SPAG16: variants seen among roughly 807,000 people sequenced by gnomAD.
The protein encoded by SPAG16 is sperm-associated antigen 16 protein.
A neutral mutation model predicts 80.4 loss-of-function variants in SPAG16; 86 were observed. The ratio of observed to expected loss-of-function variants is 1.07; its 90% CI spans 0.90 to 1.28. The LOEUF (loss-of-function observed/expected upper bound fraction) is 1.28. Among genes scored for constraint, SPAG16 ranks in the 50% most tolerant of loss-of-function variants. The pLI, the probability that SPAG16 is intolerant of heterozygous loss-of-function variation, is 0.00. For missense variants in SPAG16, 870 were observed against 765.3 expected, an observed-to-expected ratio of 1.14 and a Z score of -1.61; for synonymous variants, 294 against 265.9, an observed-to-expected ratio of 1.11 and a Z score of -1.03.
At chr2:214,386,357 C>G (rs547918655) in intron 15 of SPAG16, among the ~76,000 whole-genome samples, 1 of 152,176 alleles carries the variant, frequency 6.6e-6, no homozygotes, top group South Asian at 2.1e-4. Context: ...CAAGATCACA[C>G]CACTGTACTC....
intron 15 of SPAG16, among the ~76,000 whole-genome samples, chr2:214,300,663 A>G (rs1041346926): frequency 3.9e-5 from 6 of 152,154 alleles, no homozygotes; most frequent in Non-Finnish European, 8.8e-5. Context: ...CATGATTATC[A>G]TAATTATTAG....
At chr2:213,681,884 C>G (rs187878531) in intron 10 of SPAG16, among the ~76,000 whole-genome samples, 1 of 152,140 alleles carries the variant, frequency 6.6e-6, no homozygotes, top group Non-Finnish European at 1.5e-5. Flanking sequence ...TTTTGACAAA[C>G]TAAAGATGTG....
At chr2:213,750,604 T>C (rs993226043) in intron 10 of SPAG16, among the ~76,000 whole-genome samples, 1 of 152,214 alleles carries the variant, frequency 6.6e-6, no homozygotes, top group Non-Finnish European at 1.5e-5. Context: ...GCGTTGGTCA[T>C]AGTGGATGGT....
intron 10 of SPAG16, among the ~76,000 whole-genome samples, chr2:213,624,252 TATC>T (rs2061883236): frequency 6.6e-6 from 1 of 151,606 alleles, no homozygotes; most frequent in Non-Finnish European, 1.5e-5. Flanking sequence ...TCAGGCTATT[TATC>T]ATCATCTTTG....
intron 15 of SPAG16, among the ~76,000 whole-genome samples, chr2:214,280,299 G>A (rs1021261643): frequency 6.6e-6 from 1 of 152,158 alleles, no homozygotes; most frequent in Non-Finnish European, 1.5e-5. Flanking sequence ...ATTCTCCCCA[G>A]ACTTATCTAT....
chr2:214,192,509 G>C (rs1212475532), intron 15 of SPAG16, among the ~76,000 whole-genome samples: 1 of 152,102 alleles, frequency 6.6e-6, no homozygotes, highest in Non-Finnish European at 1.5e-5. Flanking sequence ...TTTGTTCACA[G>C]AGTTTATTTA....
chr2:213,445,926 A>G (rs1575606121), intron 9 of SPAG16, among the ~76,000 whole-genome samples: 2 of 152,238 alleles, frequency 1.3e-5, no homozygotes, highest in South Asian at 4.1e-4. Context: ...CAGAGAACCA[A>G]GCTGCAGACC....
chr2:213,286,465 C>T (rs764356328), intron 1 of SPAG16, among the ~76,000 whole-genome samples: 26 of 152,316 alleles, frequency 1.7e-4, no homozygotes, highest in Non-Finnish European at 3.7e-4. Flanking sequence ...GCACTCTTCA[C>T]ATGGTTAATT....
chr2:213,944,152 G>C (rs2079339165), intron 12 of SPAG16, among the ~76,000 whole-genome samples: 1 of 152,200 alleles, frequency 6.6e-6, no homozygotes, highest in African/African-American at 2.4e-5. Context: ...CCACCAATGG[G>C]TGGGGTAATA....
chr2:214,279,418 G>A (rs141115731), intron 15 of SPAG16, among the ~76,000 whole-genome samples: 2 of 152,266 alleles, frequency 1.3e-5, no homozygotes, highest in African/African-American at 4.8e-5. Context: ...AACCCAGAGA[G>A]ATGAAAAACA....
chr2:213,673,714 G>A (rs1443881956), intron 10 of SPAG16, among the ~76,000 whole-genome samples: 2 of 152,062 alleles, frequency 1.3e-5, no homozygotes, highest in East Asian at 3.8e-4. Context: ...CTAAGGTAAT[G>A]TAATAGTTAC....
intron 10 of SPAG16, among the ~76,000 whole-genome samples, chr2:213,698,259 T>G (rs376022008): frequency 5.3e-5 from 8 of 152,074 alleles, no homozygotes; most frequent in South Asian, 2.1e-4. Flanking sequence ...TTATTATTAT[T>G]ATGATGATTA....
At chr2:213,498,056 T>G (rs538761901) in intron 10 of SPAG16, among the ~76,000 whole-genome samples, 1 of 152,250 alleles carries the variant, frequency 6.6e-6, no homozygotes, top group South Asian at 2.1e-4. Context: ...TACCAATATA[T>G]CTCTTGTTCT....
intron 15 of SPAG16, among the ~76,000 whole-genome samples, chr2:214,178,857 A>G (rs1021876380): frequency 2.0e-5 from 3 of 151,380 alleles, no homozygotes; most frequent in Admixed American, 6.6e-5. Flanking sequence ...AGTGTTTATT[A>G]TATATAGTAT....
chr2:213,593,360 A>T (rs1021641371), intron 10 of SPAG16, among the ~76,000 whole-genome samples: 2 of 152,102 alleles, frequency 1.3e-5, no homozygotes, highest in Non-Finnish European at 2.9e-5. Flanking sequence ...TATCATCACA[A>T]TTTTGATTTG....
intron 10 of SPAG16, among the ~76,000 whole-genome samples, chr2:213,695,371 T>C (rs149693521): frequency 6.6e-6 from 1 of 152,334 alleles, no homozygotes; most frequent in African/African-American, 2.4e-5. Context: ...ATGCTTATTA[T>C]ACTATCCGCT....
At chr2:214,059,200 A>ATATATATATGTATGTG (rs1559745199) in intron 13 of SPAG16, among the ~76,000 whole-genome samples, 14 of 106,214 alleles carry the variant, frequency 1.3e-4, no homozygotes, top group African/African-American at 5.1e-4. Flanking sequence ...ATATATATAT[A>ATATATATATGTATGTG]TATATATATA....
intron 10 of SPAG16, among the ~76,000 whole-genome samples, chr2:213,537,269 A>T (rs1479269894): frequency 1.3e-5 from 2 of 152,032 alleles, no homozygotes; most frequent in African/African-American, 4.8e-5. Context: ...ATATGTAACT[A>T]ACCTTCACAT....
At chr2:213,866,142 GA>G (rs981408869) in intron 11 of SPAG16, among the ~76,000 whole-genome samples, 28 of 150,506 alleles carry the variant, frequency 1.9e-4, no homozygotes, top group African/African-American at 6.1e-4. Context: ...AAGAAAGAAA[GA>G]AAAAAAAGTG....
Sources: gnomAD v4.1 joint callset for allele counts (sites outside exome capture counted in the v4.1 genomes callset) on GRCh38, gnomAD v4.1.1 for gene constraint, MANE v1.5 for transcripts, NCBI Gene and HGNC (gene_info 2026-07-23, HGNC 2026-07-21) for gene names.